Variants in TTLL9 observed in about 807,000 individuals in gnomAD.
The protein encoded by TTLL9 is probable tubulin polyglutamylase TTLL9.
TTLL9 carries 47 observed loss-of-function variants against 65.6 expected under a neutral mutation model. That is an observed-to-expected ratio of 0.72 (90% confidence interval 0.57 to 0.91). The LOEUF (loss-of-function observed/expected upper bound fraction) is 0.91, where lower values mean the gene tolerates loss of function less well. TTLL9 is among the 40% of genes least tolerant of loss of function. The pLI is 0.00. For synonymous variants in TTLL9, 179 were observed against 204.8 expected (o/e 0.87, Z 1.07); for missense variants, 537 against 568.8 (o/e 0.94, Z 0.57).
chr20:31,937,487 C>A lies in TTLL9; in HGVS notation c.1096C>A (p.His366Asn), dbSNP rs1305735001. 1.9e-6 allele frequency: 3 copies of A among 1,613,640 alleles called. No individual in the cohort carries two copies. The highest frequency in any genetic ancestry group is 2.5e-6 in the Non-Finnish European group (3 of 1,179,678). Residue 366 changes from histidine to asparagine, a missense_variant, in exon 13 of 15, where the codon CAT (histidine) becomes AAT (asparagine). This residue lies in a region of TTLL9 where 205 missense variants were observed against 225.9 expected (regional missense o/e 0.91). Transcript: ENST00000535842. ...GACCTGCCTCCTGGAAGACACCCTG[C>A]ATGTTGTGGACATGGAAGCGAGGTG... ...LKTCLLEDTL[H>N]VVDMEARLTG...
intron 10 of TTLL9, among the ~76,000 whole-genome samples, chr20:31,926,410 C>T (rs1002042835): frequency 6.6e-6 from 1 of 152,122 alleles, no homozygotes; most frequent in Admixed American, 6.6e-5. Context: ...AGTGTCCTGG[C>T]GAGGCTGGGA....
At chr20:31,888,349 A>G (rs1210233655) in intron 3 of TTLL9, among the ~76,000 whole-genome samples, 2 of 152,222 alleles carry the variant, frequency 1.3e-5, no homozygotes, top group African/African-American at 2.4e-5. Flanking sequence ...ATGTAGTGCA[A>G]TTCAGCAATG....
rs869090935 is a variant in TTLL9 at position 31,873,793 on chromosome 20, A to AAAGGAAGG, written c.69+2622_69+2629dup. Among the ~76,000 whole-genome samples, 39 of 127,630 alleles carry AAAGGAAGG rather than the reference A, an allele frequency of 3.1e-4. 1 individual carries two copies. Among genetic ancestry groups the AAAGGAAGG allele is most frequent in the Middle Eastern group, 3.8e-3 (1 of 260 alleles). 83.7% of individuals were successfully genotyped at this position (127,630 alleles called of 152,430 possible). On this transcript the variant is annotated intron_variant, in intron 2 of 14. Coordinates refer to ENST00000535842, the MANE Select transcript of TTLL9 (RefSeq NM_001008409.5). ...GAGAAAGAAAGAAAGAAAAAGAAAGAAAGGAAGGAAGGAAGGAAGGAAGGA... is the reference window on the plus strand; with the variant it reads ...GAGAAAGAAAGAAAGAAAAAGAAAGAAAGGAAGGAAGGAAGGAAGGAAGGAAGGAAGGA...
chr20:31,918,136 T>C (rs1286129014), intron 6 of TTLL9, among the ~76,000 whole-genome samples: 1 of 152,054 alleles, frequency 6.6e-6, no homozygotes, highest in South Asian at 2.1e-4. Context: ...CCAAGAGACT[T>C]TCCCCCCACC....
intron 2 of TTLL9, among the ~76,000 whole-genome samples, chr20:31,875,418 T>G (rs7266197): frequency 0.085 from 12,918 of 152,198 alleles, 709 homozygotes; most frequent in African/African-American, 0.15. Flanking sequence ...TTTCCACATC[T>G]GTGAAAAAGG....
Position 31,872,121 on chromosome 20 carries a change from C to T in TTLL9, c.69+926C>T, listed in dbSNP as rs138662879. On this transcript the variant is annotated intron_variant, in intron 2 of 14. Coordinates refer to ENST00000535842, the MANE Select transcript of TTLL9 (RefSeq NM_001008409.5). ...TCTCAGATCTAGGAGGGAAGGCAAACAAGATAGGCAAACAAATAAATTATT... is the reference window on the plus strand; with the variant it reads ...TCTCAGATCTAGGAGGGAAGGCAAATAAGATAGGCAAACAAATAAATTATT... 2.6e-3 allele frequency among the ~76,000 whole-genome samples: 403 copies of T among 152,154 alleles called. 4 individuals carry two copies. Among genetic ancestry groups the T allele is most frequent in the African/African-American group, 9.4e-3 (392 of 41,484 alleles).
intron 11 of TTLL9, chr20:31,934,266 G>C (rs1345142135): frequency 2.0e-6 from 1 of 505,794 alleles, no homozygotes; most frequent in African/African-American, 1.9e-5. Context: ...CAGATCAAGG[G>C]GACACAGGAG....
At chr20:31,931,078 CTTTT>C in intron 10 of TTLL9, among the ~76,000 whole-genome samples, 1 of 125,238 alleles carries the variant, frequency 8.0e-6, no homozygotes, top group Non-Finnish European at 1.6e-5. Flanking sequence ...TCCTCTTTTC[CTTTT>C]TTTTTTTTTT....
chr20:31,926,970 C>T (rs1471561960), intron 10 of TTLL9, among the ~76,000 whole-genome samples: 2 of 151,540 alleles, frequency 1.3e-5, no homozygotes, highest in Non-Finnish European at 2.9e-5. Context: ...AATAAATTAG[C>T]CAGATGTGGT....
At chr20:31,907,487 C>T (rs1407190544) in intron 4 of TTLL9, among the ~76,000 whole-genome samples, 9 of 152,112 alleles carry the variant, frequency 5.9e-5, no homozygotes, top group African/African-American at 2.4e-5. Flanking sequence ...TTTGGGAGGC[C>T]GAGGTAGGTG....
intron 2 of TTLL9, among the ~76,000 whole-genome samples, chr20:31,874,249 T>C (rs1339768582): frequency 1.3e-5 from 2 of 152,128 alleles, no homozygotes; most frequent in East Asian, 3.8e-4. Context: ...ACCCTGTCAT[T>C]CCCTTGCTTA....
intron 3 of TTLL9, among the ~76,000 whole-genome samples, chr20:31,895,411 G>A (rs1234590585): frequency 1.3e-5 from 2 of 152,212 alleles, no homozygotes; most frequent in Non-Finnish European, 2.9e-5. Flanking sequence ...TGTGCTGTTA[G>A]CAGTACTCTT....
chr20:31,887,185 C>T lies in TTLL9; in HGVS notation c.70-11C>T, dbSNP rs981578286. ...AAAACCAGTTACATCCTTTTCCTTT[C>T]CTCATTGCAGAACCAAAATTACAAG... On this transcript the variant is annotated splice_polypyrimidine_tract_variant and intron_variant, in intron 2 of 14. Coordinates refer to ENST00000535842, the MANE Select transcript of TTLL9 (RefSeq NM_001008409.5). The T allele has an allele frequency of 1.2e-6, 2 of 1,614,112 alleles. No homozygotes were observed. Among genetic ancestry groups the T allele is most frequent in the Non-Finnish European group, 1.7e-6 (2 of 1,179,968 alleles).
intron 3 of TTLL9, among the ~76,000 whole-genome samples, chr20:31,894,468 T>G (rs760610130): frequency 3.3e-5 from 5 of 151,520 alleles, no homozygotes; most frequent in Non-Finnish European, 7.4e-5. Flanking sequence ...ATAACATATT[T>G]ATAATAATTT....
intron 10 of TTLL9, among the ~76,000 whole-genome samples, chr20:31,932,767 C>T (rs1175516117): frequency 6.6e-6 from 1 of 152,022 alleles, no homozygotes; most frequent in South Asian, 2.1e-4. Flanking sequence ...GAGGCCGAGG[C>T]GGGTGGATTA....
At position 31,890,105 on chromosome 20, in the gene TTLL9, CCTTCCTTCCTT is replaced by C. The variant is rs1568753185; in HGVS notation, c.113+2868_113+2878del. Among the ~76,000 whole-genome samples, 180 of 45,428 alleles carry C rather than the reference CCTTCCTTCCTT, an allele frequency of 4.0e-3. 5 individuals carry two copies. Among genetic ancestry groups the C allele is most frequent in the Middle Eastern group, 8.9e-3 (1 of 112 alleles). The allele number at this position is 45,428 out of a possible 152,430, so 29.8% of individuals were successfully genotyped here. On this transcript the variant is annotated intron_variant, in intron 3 of 14. Coordinates refer to ENST00000535842, the MANE Select transcript of TTLL9 (RefSeq NM_001008409.5). Reference sequence around the variant, plus strand: ...CTTTCTTGCTTTCTTTCCCTCCCTTCCTTCCTTCCTTCCTTCCTTCCTTCCTTCCTTCCTTC... The same window carrying C: ...CTTTCTTGCTTTCTTTCCCTCCCTTCCCTTCCTTCCTTCCTTCCTTCCTTC...
At chr20:31,883,948 T>C in intron 2 of TTLL9, 1 of 428,844 alleles carries the variant, frequency 2.3e-6, no homozygotes, top group Non-Finnish European at 4.3e-6. Flanking sequence ...ACCAGTGCAA[T>C]AAAGCAAGAA....
chr20:31,943,070 T>TC lies in TTLL9; in HGVS notation c.*56dup, dbSNP rs759022927. ...AGCCTTAGCAGGTGCCACCCAGGCC[T>TC]CCCCCCCACTCCCAGATCCCAGCAC... is the stretch of plus-strand genomic sequence containing the variant. On this transcript the variant is annotated 3_prime_UTR_variant, in exon 15 of 15. Transcript: ENST00000535842. 79 of 1,520,034 alleles carry TC rather than the reference T, an allele frequency of 5.2e-5. No homozygotes were observed. The highest frequency in any genetic ancestry group is 5.6e-5 in the Non-Finnish European group (62 of 1,097,582). 94.2% of individuals were successfully genotyped at this position (1,520,034 alleles called of 1,614,324 possible). A position where few individuals can be genotyped will look rare whatever the true frequency, so the allele number is the denominator to read the frequency against.
At chr20:31,931,600 C>A (rs1405430652) in intron 10 of TTLL9, among the ~76,000 whole-genome samples, 1 of 152,200 alleles carries the variant, frequency 6.6e-6, no homozygotes, top group Non-Finnish European at 1.5e-5. Context: ...CTGTCTTTTT[C>A]ATTATAGCCA....
Sources: allele counts gnomAD v4.1 joint callset (sites outside exome capture counted in the v4.1 genomes callset), GRCh38; gene constraint gnomAD v4.1.1; regional missense constraint gnomAD v4.1.1; transcripts MANE v1.5; gene names NCBI Gene and HGNC (gene_info 2026-07-23, HGNC 2026-07-21).